Variants in SLC6A20 observed in about 807,000 individuals in gnomAD.
SLC6A20 encodes solute carrier family 6 member 20, also known as sodium- and chloride-dependent transporter XTRP3.
A neutral mutation model predicts 64.3 loss-of-function variants in SLC6A20; 73 were observed. The observed-to-expected ratio is 1.14, with a 90% CI of 0.94 to 1.38. SLC6A20 has a LOEUF of 1.38. SLC6A20 is among the 40% of genes most tolerant of loss of function. SLC6A20 has a pLI of 0.00. For synonymous variants in SLC6A20, 347 were observed against 329.6 expected (o/e 1.05, Z -0.57); for missense variants, 725 against 772.8 (o/e 0.94, Z 0.73).
At chr3:45,790,871 C>T (rs999078660) in intron 1 of SLC6A20, among the ~76,000 whole-genome samples, 1 of 152,204 alleles carries the variant, frequency 6.6e-6, no homozygotes, top group Non-Finnish European at 1.5e-5. Flanking sequence ...CCCTAGTCCC[C>T]GCCTCACTTC....
At chr3:45,788,329 A>G (rs1337302078) in intron 1 of SLC6A20, among the ~76,000 whole-genome samples, 4 of 152,136 alleles carry the variant, frequency 2.6e-5, no homozygotes, top group Non-Finnish European at 5.9e-5. Context: ...AAAGAGATGG[A>G]GATTACAAGA....
At chr3:45,783,061 T>G (rs143031650) in intron 1 of SLC6A20, among the ~76,000 whole-genome samples, 11 of 152,346 alleles carry the variant, frequency 7.2e-5, no homozygotes, top group Middle Eastern at 3.4e-3. Context: ...CTGATGGTGC[T>G]CCACATGAGG....
chr3:45,780,682 A>G (rs1050741622), intron 2 of SLC6A20, among the ~76,000 whole-genome samples: 3 of 152,092 alleles, frequency 2.0e-5, no homozygotes, highest in Admixed American at 6.5e-5. Context: ...GCGGCCTGAG[A>G]GCACAGAGAG....
At chr3:45,792,347 A>G (rs1700268716) in intron 1 of SLC6A20, among the ~76,000 whole-genome samples, 1 of 152,210 alleles carries the variant, frequency 6.6e-6, no homozygotes, top group Admixed American at 6.5e-5. Flanking sequence ...CTATTTCTCC[A>G]GAAGTCTTGT....
intron 7 of SLC6A20, among the ~76,000 whole-genome samples, chr3:45,767,606 T>C (rs911692327): frequency 2.0e-5 from 3 of 151,646 alleles, no homozygotes; most frequent in African/African-American, 7.3e-5. Context: ...AGGAGAAAAA[T>C]GAGAGAATCA....
At chr3:45,767,913 T>TTAA (rs1699801396) in intron 7 of SLC6A20, among the ~76,000 whole-genome samples, 1 of 152,210 alleles carries the variant, frequency 6.6e-6, no homozygotes, top group Admixed American at 6.5e-5. Flanking sequence ...AATTTTCTAC[T>TTAA]CCGAGGAACA....
chr3:45,785,473 T>C (rs931378233), intron 1 of SLC6A20, among the ~76,000 whole-genome samples: 10 of 152,226 alleles, frequency 6.6e-5, no homozygotes, highest in African/African-American at 2.2e-4. Flanking sequence ...TCTCCCGTGC[T>C]GGATGCTTCC....
chr3:45,795,990 G>C (rs867660966), intron 1 of SLC6A20, among the ~76,000 whole-genome samples: 1 of 147,742 alleles, frequency 6.8e-6, no homozygotes, highest in South Asian at 2.1e-4. Flanking sequence ...CACTTCTCTC[G>C]AAGAAGGAGA....
chr3:45,755,487 A>G lies in SLC6A20; in HGVS notation c.*3491T>C, dbSNP rs1430971602. 4 of 152,396 alleles carry G rather than the reference A, an allele frequency of 2.6e-5. No homozygotes were observed. Among genetic ancestry groups the G allele is most frequent in the African/African-American group, 7.2e-5 (3 of 41,454 alleles). 9.4% of individuals were successfully genotyped at this position (152,396 alleles called of 1,614,324 possible). ...GCTTAGAGTTTTATTTACTATGACAATTGCTAAAAAACAAATATTTCCCTA... is the reference window on the plus strand; with the variant it reads ...GCTTAGAGTTTTATTTACTATGACAGTTGCTAAAAAACAAATATTTCCCTA... On this transcript the variant is annotated 3_prime_UTR_variant, in exon 11 of 11. Coordinates refer to ENST00000358525, the MANE Select transcript of SLC6A20 (RefSeq NM_020208.4).
chr3:45,771,195 C>A, intron 6 of SLC6A20, 22 bp downstream of exon 6: 1 of 1,613,804 alleles, frequency 6.2e-7, no homozygotes, highest in South Asian at 1.1e-5. Flanking sequence ...GCCTGGGACT[C>A]GGTGGGACAG....
Position 45,765,519 on chromosome 3 carries a change from C to A in SLC6A20, c.1303+18G>T. ...GCCCTCCTGACCCCTGCCTCCTCCA[C>A]TGGCTGGCCCCGCTGACCTGAGATG... On this transcript the variant is annotated intron_variant, in intron 8 of 10. Transcript: ENST00000358525. This position sits in a 1 kb window ranked among gnomAD's most constrained non-coding sequence, Gnocchi z 4.2. The A allele has an allele frequency of 1.9e-6, 3 of 1,604,970 alleles. No homozygotes were observed. The highest frequency in any genetic ancestry group is 2.6e-6 in the Non-Finnish European group (3 of 1,176,040).
chr3:45,777,763 T>C (rs946328227), intron 3 of SLC6A20, among the ~76,000 whole-genome samples: 1 of 152,162 alleles, frequency 6.6e-6, no homozygotes, highest in Admixed American at 6.5e-5. Flanking sequence ...TGACATCCCC[T>C]TGGGCCATTT....
chr3:45,779,749 C>T (rs980814994), intron 3 of SLC6A20, among the ~76,000 whole-genome samples: 21 of 152,342 alleles, frequency 1.4e-4, no homozygotes, highest in African/African-American at 4.8e-4. Context: ...CCACTGAAAG[C>T]CATGGACCTT....
At chr3:45,796,103 A>G (rs1700340643) in intron 1 of SLC6A20, among the ~76,000 whole-genome samples, 196 bp downstream of exon 1, 1 of 151,942 alleles carries the variant, frequency 6.6e-6, no homozygotes, top group Admixed American at 6.6e-5. Context: ...AGGGCTTGGG[A>G]GGGCGGCTTG....
intron 1 of SLC6A20, among the ~76,000 whole-genome samples, chr3:45,786,549 A>G (rs950253425): frequency 6.6e-6 from 1 of 152,198 alleles, no homozygotes; most frequent in Non-Finnish European, 1.5e-5. Context: ...ATTCACGGTG[A>G]TGTAGATTTT....
At chr3:45,776,043 G>A in intron 3 of SLC6A20, 55 bp from the exon 4 acceptor site, 2 of 1,550,980 alleles carry the variant, frequency 1.3e-6, no homozygotes, top group Non-Finnish European at 1.8e-6. Context: ...GACAAAGGCT[G>A]TGGCAGGGGT....
intron 4 of SLC6A20, among the ~76,000 whole-genome samples, chr3:45,772,830 CACG>C (rs1485450082): frequency 6.6e-6 from 1 of 152,118 alleles, no homozygotes; most frequent in Non-Finnish European, 1.5e-5. Flanking sequence ...CTGTGACCAG[CACG>C]ACATTTCTTA....
In SLC6A20 at chr3:45,765,199, C is replaced by T. The variant is rs549625228; in HGVS notation, c.1303+338G>A. ...CTGAACTCCAGCCTGGGCAACAGAGCGAGACTCCGTCTGAAATATATATAA... is the reference window on the plus strand; with the variant it reads ...CTGAACTCCAGCCTGGGCAACAGAGTGAGACTCCGTCTGAAATATATATAA... On this transcript the variant is annotated intron_variant, in intron 8 of 10. Transcript: ENST00000358525. This position sits in a 1 kb window ranked among gnomAD's most constrained non-coding sequence, Gnocchi z 4.2. Among the ~76,000 whole-genome samples the T allele has an allele frequency of 1.1e-3, 166 of 152,148 alleles. 1 individual carries two copies. The highest frequency in any genetic ancestry group is 3.6e-3 in the African/African-American group (150 of 41,530).
At chr3:45,786,851 A>G (rs1040074480) in intron 1 of SLC6A20, among the ~76,000 whole-genome samples, 4 of 152,218 alleles carry the variant, frequency 2.6e-5, no homozygotes, top group African/African-American at 9.7e-5. Context: ...GCCCTGTGGT[A>G]ATGTCTCTGC....
Sources: gnomAD v4.1 joint callset for allele counts (sites outside exome capture counted in the v4.1 genomes callset) on GRCh38, gnomAD v4.1.1 for gene constraint, Gnocchi (gnomAD v3.1) non-coding constraint, MANE v1.5 for transcripts, NCBI Gene and HGNC (gene_info 2026-07-23, HGNC 2026-07-21) for gene names.